Variants in C4orf17 observed in about 807,000 individuals in gnomAD.
The protein encoded by C4orf17 is uncharacterized protein C4orf17.
C4orf17 carries 25 observed loss-of-function variants against 32.0 expected under a neutral mutation model. The observed-to-expected ratio is 0.78, with a 90% CI of 0.57 to 1.09. The LOEUF (loss-of-function observed/expected upper bound fraction) is 1.09. Among genes scored for constraint, C4orf17 ranks in the 50% least tolerant of loss-of-function variants. The pLI is 0.00. For missense variants in C4orf17, 420 were observed against 420.0 expected, an observed-to-expected ratio of 1.00 and a Z score of 0.00; for synonymous variants, 149 against 145.8, an observed-to-expected ratio of 1.02 and a Z score of -0.16.
At chr4:99,516,649 A>C (rs1475846576) in intron 2 of C4orf17, among the ~76,000 whole-genome samples, 1 of 152,170 alleles carries the variant, frequency 6.6e-6, no homozygotes, top group Non-Finnish European at 1.5e-5. Flanking sequence ...ACAGCAAAAG[A>C]ATATTAGGAA....
intron 3 of C4orf17, among the ~76,000 whole-genome samples, chr4:99,524,126 C>T (rs557005683): frequency 2.0e-5 from 3 of 151,794 alleles, no homozygotes; most frequent in East Asian, 1.9e-4. Context: ...ACTACAGGCG[C>T]CCGCCACCAC....
At position 99,542,045 on chromosome 4, in the gene C4orf17, G is replaced by C. The variant is rs770891455; in HGVS notation, c.1016G>C (p.Arg339Thr). 2 of 1,614,098 alleles carry C rather than the reference G, an allele frequency of 1.2e-6. No homozygotes were observed. Among genetic ancestry groups the C allele is most frequent in the Non-Finnish European group, 1.7e-6 (2 of 1,180,000 alleles). Residue 339 changes from arginine (R) to threonine (T), a missense_variant, in exon 9 of 9, where the codon AGG becomes ACG. Coordinates refer to ENST00000326581, the MANE Select transcript of C4orf17 (RefSeq NM_032149.3). ...GGATCAGCAAAACCAGTGTCAGCAA[G>C]GAGTATACAAGAATACAACCTCTGT... ...ESGSAKPVSARSIQEYNLCPQ... is the reference protein window; with the variant it reads ...ESGSAKPVSATSIQEYNLCPQ...
chr4:99,537,172 C>T (rs1289493477), intron 5 of C4orf17, among the ~76,000 whole-genome samples: 5 of 152,110 alleles, frequency 3.3e-5, no homozygotes, highest in Admixed American at 6.5e-5. Context: ...ACTCTCTTAA[C>T]CATGTTAATT....
intron 5 of C4orf17, among the ~76,000 whole-genome samples, chr4:99,535,572 TC>T (rs1723547942): frequency 6.6e-6 from 1 of 152,238 alleles, no homozygotes; most frequent in African/African-American, 2.4e-5. Context: ...CTTGTGTTTT[TC>T]AGCTCCATCA....
chr4:99,518,455 G>A (rs1468475978), intron 2 of C4orf17, among the ~76,000 whole-genome samples: 1 of 122,248 alleles, frequency 8.2e-6, no homozygotes, highest in Non-Finnish European at 1.6e-5. Flanking sequence ...CTGCACTCCA[G>A]CTTGGGTGAC....
At chr4:99,539,487 C>T (rs1723618430) in intron 7 of C4orf17, 117 bp downstream of exon 7, 2 of 725,684 alleles carry the variant, frequency 2.8e-6, no homozygotes, top group Admixed American at 5.1e-5. Context: ...CCGCTTTATT[C>T]AGTAAGTGAC....
Position 99,522,580 on chromosome 4 carries a change from T to C in C4orf17, c.208T>C (p.Tyr70His), listed in dbSNP as rs1352043412. The C allele has an allele frequency of 2.5e-6, 4 of 1,613,934 alleles. No homozygotes were observed. In the Admixed American group the frequency reaches 5.0e-5, roughly 20 times the overall value. The change falls in exon 3 of 9, where the codon TAC becomes CAC. Residue 70 changes from tyrosine to histidine, a missense_variant. Transcript: ENST00000326581. ...ATTGTGGGGAGTTGGCCAGTCTAAC[T>C]ACTTAGAGAAGAACAGGATACCATT... Reference protein sequence around the residue: ...GTLWGVGQSNYLEKNRIPFAN... With the variant: ...GTLWGVGQSNHLEKNRIPFAN...
intron 2 of C4orf17, among the ~76,000 whole-genome samples, chr4:99,514,239 A>G (rs180953362): frequency 6.6e-6 from 1 of 152,300 alleles, no homozygotes; most frequent in East Asian, 1.9e-4. Flanking sequence ...TGCAACAAAA[A>G]CAAAAATAAA....
At chr4:99,520,083 C>T (rs1034671287) in intron 2 of C4orf17, among the ~76,000 whole-genome samples, 5 of 143,294 alleles carry the variant, frequency 3.5e-5, no homozygotes, top group African/African-American at 1.2e-4. Flanking sequence ...CCAAAACCCA[C>T]ATTTAATTTT....
intron 5 of C4orf17, 148 bp downstream of exon 5, chr4:99,530,106 A>T: frequency 1.2e-5 from 7 of 586,144 alleles, no homozygotes; most frequent in Middle Eastern, 3.7e-4. Context: ...TCCAAGGCAT[A>T]CTCCTATTTT....
intron 1 of C4orf17, among the ~76,000 whole-genome samples, chr4:99,511,703 A>G (rs554348879): frequency 6.6e-6 from 1 of 152,254 alleles, no homozygotes; most frequent in South Asian, 2.1e-4. Flanking sequence ...TCCCCTCAAT[A>G]CAAGTAAAAA....
At chr4:99,524,033 G>A (rs927225100) in intron 3 of C4orf17, among the ~76,000 whole-genome samples, 1 of 140,652 alleles carries the variant, frequency 7.1e-6, no homozygotes, top group Non-Finnish European at 1.5e-5. Flanking sequence ...AGCCTGGAGT[G>A]CAGTGGTGCA....
chr4:99,524,509 A>G lies in C4orf17; in HGVS notation c.338-12A>G, dbSNP rs528273397. 1.2e-5 allele frequency: 19 copies of G among 1,547,174 alleles called. No individual in the cohort carries two copies. The South Asian group carries it at 1.7e-4, about 14-fold the overall frequency. Reference sequence around the variant, plus strand: ...TTTAATCTAAATACATTTTTCCTCAATTTTATTTCAGAGCCCAGTAGAAAA... The same window carrying G: ...TTTAATCTAAATACATTTTTCCTCAGTTTTATTTCAGAGCCCAGTAGAAAA... On this transcript the variant is annotated splice_polypyrimidine_tract_variant and intron_variant, in intron 3 of 8. Coordinates refer to ENST00000326581, the MANE Select transcript of C4orf17 (RefSeq NM_032149.3).
Position 99,541,955 on chromosome 4 carries a change from A to C in C4orf17, c.926A>C (p.Lys309Thr). Residue 309 changes from lysine (K) to threonine (T), a missense_variant, in exon 9 of 9, where the codon AAA becomes ACA. Physicochemically the swap from Lys to Thr is moderately conservative, Grantham distance 78. Coordinates refer to ENST00000326581, the MANE Select transcript of C4orf17 (RefSeq NM_032149.3). ...CTACTTATAAGAAGAAATAATATGAAAATACCTGTTGCAGAATATTTCAGC... is the reference window on the plus strand; with the variant it reads ...CTACTTATAAGAAGAAATAATATGACAATACCTGTTGCAGAATATTTCAGC... ...PPLLIRRNNMKIPVAEYFSKP... is the reference protein window; with the variant it reads ...PPLLIRRNNMTIPVAEYFSKP... 1 of 1,613,984 alleles carries C rather than the reference A, an allele frequency of 6.2e-7. No homozygotes were observed. Among genetic ancestry groups the C allele is most frequent in the Non-Finnish European group, 8.5e-7 (1 of 1,179,960 alleles).
Position 99,542,207 on chromosome 4 carries a change from G to A in C4orf17, c.*98G>A, listed in dbSNP as rs1723659728. 6.7e-6 allele frequency: 7 copies of A among 1,051,284 alleles called. No homozygotes were observed. The allele number at this position is 1,051,284 out of a possible 1,614,324, so 65.1% of individuals were successfully genotyped here. A position where few individuals can be genotyped will look rare whatever the true frequency, so the allele number is the denominator to read the frequency against. On this transcript the variant is annotated 3_prime_UTR_variant, in exon 9 of 9. Coordinates refer to ENST00000326581, the MANE Select transcript of C4orf17 (RefSeq NM_032149.3). ...AATATTTTTGGTATTGAGGAATCAAGTGGTCCTCTTTATGGTGGCACATGT... is the reference window on the plus strand; with the variant it reads ...AATATTTTTGGTATTGAGGAATCAAATGGTCCTCTTTATGGTGGCACATGT...
At chr4:99,530,612 G>T (rs1486638135) in intron 5 of C4orf17, among the ~76,000 whole-genome samples, 1 of 152,028 alleles carries the variant, frequency 6.6e-6, no homozygotes, top group South Asian at 2.1e-4. Context: ...TTAGAAGATT[G>T]TAATGATGCC....
chr4:99,514,942 G>A (rs1284132529), intron 2 of C4orf17, among the ~76,000 whole-genome samples: 1 of 152,126 alleles, frequency 6.6e-6, no homozygotes, highest in Non-Finnish European at 1.5e-5. Context: ...ATGAAATAAT[G>A]TCTTTTGCAG....
intron 2 of C4orf17, among the ~76,000 whole-genome samples, chr4:99,519,063 A>T (rs1465674510): frequency 6.6e-6 from 1 of 152,210 alleles, no homozygotes; most frequent in Admixed American, 6.5e-5. Flanking sequence ...AGAAAGCCGT[A>T]AATGAAGGAA....
intron 5 of C4orf17, among the ~76,000 whole-genome samples, chr4:99,531,489 T>C (rs1028871071): frequency 6.6e-6 from 1 of 152,154 alleles, no homozygotes; most frequent in Non-Finnish European, 1.5e-5. Context: ...CGTGATCCTA[T>C]AGAGCTGGCT....
Sources: gnomAD v4.1 joint callset for allele counts (sites outside exome capture counted in the v4.1 genomes callset) on GRCh38, gnomAD v4.1.1 for gene constraint, MANE v1.5 for transcripts, NCBI Gene and HGNC (gene_info 2026-07-23, HGNC 2026-07-21) for gene names.